Variants in ITFG1 observed in about 807,000 individuals in gnomAD.
The protein encoded by ITFG1 is integrin alpha FG-GAP repeat containing 1, also known as T-cell immunomodulatory protein.
ITFG1 carries 34 observed loss-of-function variants against 81.8 expected under a neutral mutation model. The ratio of observed to expected loss-of-function variants is 0.42; its 90% confidence interval spans 0.32 to 0.55. ITFG1 has a LOEUF of 0.55. Ranked by LOEUF, ITFG1 falls within the 20% of genes least tolerant of loss-of-function variation. ITFG1 has a pLI of 0.17. For missense variants in ITFG1, 672 were observed against 755.4 expected (o/e 0.89, Z 1.29); for synonymous variants, 285 against 270.6 (o/e 1.05, Z -0.52).
chr16:47,389,244 A>C (rs1309864594), intron 6 of ITFG1, among the ~76,000 whole-genome samples: 1 of 152,332 alleles, frequency 6.6e-6, no homozygotes, highest in Admixed American at 6.5e-5. Flanking sequence ...CATAGGAAAA[A>C]ATGGTGCAAT....
chr16:47,198,370 G>T (rs1380098441), intron 14 of ITFG1, among the ~76,000 whole-genome samples: 1 of 152,156 alleles, frequency 6.6e-6, no homozygotes, highest in Non-Finnish European at 1.5e-5. Context: ...TAGCTGTCAT[G>T]ATGTCATAGT....
At chr16:47,309,062 T>TA (rs1419676880) in intron 10 of ITFG1, among the ~76,000 whole-genome samples, 1 of 151,118 alleles carries the variant, frequency 6.6e-6, no homozygotes, top group Admixed American at 6.6e-5. Context: ...ATTATTAACA[T>TA]AACTTCTTTT....
At position 47,170,675 on chromosome 16, in the gene ITFG1, G is replaced by A. The variant is rs190683965; in HGVS notation, c.1454-8011C>T. Reference sequence around the variant, plus strand: ...AAACTCCTGACCTTAGGTGATCTGCGCCTGCCTCAGCCTCCCAAAGTGCTG... The same window carrying A: ...AAACTCCTGACCTTAGGTGATCTGCACCTGCCTCAGCCTCCCAAAGTGCTG... On this transcript the variant is annotated intron_variant, in intron 14 of 17. Transcript: ENST00000320640. 1.7e-3 allele frequency among the ~76,000 whole-genome samples: 254 copies of A among 145,772 alleles called. 2 individuals are homozygous for A. Among genetic ancestry groups the A allele is most frequent in the African/African-American group, 6.0e-3 (236 of 39,224 alleles).
intron 6 of ITFG1, among the ~76,000 whole-genome samples, chr16:47,417,793 G>A (rs1968892597): frequency 6.6e-6 from 1 of 152,060 alleles, no homozygotes; most frequent in African/African-American, 2.4e-5. Context: ...GGACACTCAG[G>A]TTGATTCCAT....
intron 8 of ITFG1, among the ~76,000 whole-genome samples, chr16:47,351,723 T>C (rs1159111198): frequency 6.7e-4 from 2 of 3,000 alleles, no homozygotes; most frequent in African/African-American, 3.1e-3. Flanking sequence ...TTAAAGTTCA[T>C]ACGGAACCAA....
At position 47,460,911 on chromosome 16, in the gene ITFG1, C is replaced by T. The variant is rs11559043; in HGVS notation, c.135G>A (p.Glu45=). Residue 45 remains glutamate, a synonymous_variant, in exon 1 of 18, where the codon GAG becomes GAA. Transcript: ENST00000320640. ...CGAAAGCCGCAAGGGTGCCCCAGGC[C>T]TCGGCCCCAAAGAGCTCGGCCGTGA... ...HNVTAELFGA[E]AWGTLAAFGD... is the part of the protein sequence containing the mutation. The T allele has an allele frequency of 5.0e-6, 8 of 1,613,236 alleles. No individual in the cohort carries two copies. Among genetic ancestry groups the T allele is most frequent in the Admixed American group, 3.3e-5 (2 of 59,978 alleles).
chr16:47,312,471 A>G (rs1967280870), intron 9 of ITFG1, among the ~76,000 whole-genome samples: 1 of 152,188 alleles, frequency 6.6e-6, no homozygotes. Context: ...CCAGGGAAAA[A>G]GGAAACTTGG....
chr16:47,207,070 G>A (rs369276936), intron 14 of ITFG1, among the ~76,000 whole-genome samples: 1 of 152,316 alleles, frequency 6.6e-6, no homozygotes, highest in African/African-American at 2.4e-5. Context: ...ACAAGACAAA[G>A]ATCCTTGCTC....
intron 6 of ITFG1, among the ~76,000 whole-genome samples, chr16:47,410,007 C>T (rs1382032368): frequency 6.6e-6 from 1 of 152,152 alleles, no homozygotes; most frequent in African/African-American, 2.4e-5. Flanking sequence ...GATGCAGTGG[C>T]TCATGCCTAT....
Position 47,188,847 on chromosome 16 carries a change from C to T in ITFG1, c.1454-26183G>A, listed in dbSNP as rs533628848. On this transcript the variant is annotated intron_variant, in intron 14 of 17. Coordinates refer to ENST00000320640, the MANE Select transcript of ITFG1 (RefSeq NM_030790.5). ...TGGCGCTATCTTGGCTCACTGCAAC[C>T]TCCACTTCCTGGGTTTAAGCGATGC... 4.2e-3 allele frequency among the ~76,000 whole-genome samples: 636 copies of T among 152,240 alleles called. 5 individuals are homozygous for T. The highest frequency in any genetic ancestry group is 0.015 in the African/African-American group (607 of 41,556).
intron 6 of ITFG1, among the ~76,000 whole-genome samples, chr16:47,420,704 A>G (rs1968935365): frequency 6.6e-6 from 1 of 152,166 alleles, no homozygotes; most frequent in Admixed American, 6.5e-5. Context: ...ATCTCTGTGC[A>G]TATCAGCTCC....
At chr16:47,208,626 G>A (rs1965529471) in intron 14 of ITFG1, among the ~76,000 whole-genome samples, 1 of 152,154 alleles carries the variant, frequency 6.6e-6, no homozygotes, top group African/African-American at 2.4e-5. Flanking sequence ...GCAACCATAA[G>A]AAGTTTTGGT....
At chr16:47,303,010 G>A (rs1048321678) in intron 10 of ITFG1, among the ~76,000 whole-genome samples, 2 of 152,164 alleles carry the variant, frequency 1.3e-5, no homozygotes, top group African/African-American at 2.4e-5. Flanking sequence ...GGTAGCTCAC[G>A]CCTGTAATCC....
chr16:47,296,699 G>A (rs1966987189), intron 10 of ITFG1, among the ~76,000 whole-genome samples: 1 of 152,202 alleles, frequency 6.6e-6, no homozygotes, highest in Non-Finnish European at 1.5e-5. Flanking sequence ...GTCTCCCAAA[G>A]TGCTGGGATT....
chr16:47,206,168 G>A (rs1480264177), intron 14 of ITFG1, among the ~76,000 whole-genome samples: 1 of 152,062 alleles, frequency 6.6e-6, no homozygotes, highest in Non-Finnish European at 1.5e-5. Flanking sequence ...GCCTGGCCAG[G>A]CATTAAATAT....
At chr16:47,256,784 T>G (rs1403288278) in intron 12 of ITFG1, among the ~76,000 whole-genome samples, 1 of 152,236 alleles carries the variant, frequency 6.6e-6, no homozygotes, top group African/African-American at 2.4e-5. Context: ...AAAATAAATC[T>G]CAACACTAAT....
chr16:47,347,849 C>A (rs905149481), intron 8 of ITFG1, among the ~76,000 whole-genome samples: 1 of 152,192 alleles, frequency 6.6e-6, no homozygotes, highest in African/African-American at 2.4e-5. Flanking sequence ...GACGGAACTT[C>A]CAGAGGAACG....
intron 12 of ITFG1, among the ~76,000 whole-genome samples, chr16:47,239,053 C>T (rs978611153): frequency 2.6e-5 from 4 of 152,100 alleles, no homozygotes; most frequent in Non-Finnish European, 5.9e-5. Flanking sequence ...ACCCCTTCTG[C>T]CATGTGAGGA....
rs554524636 is a variant in ITFG1 at position 47,327,230 on chromosome 16, T to A, written c.803-13407A>T. Among the ~76,000 whole-genome samples, 164 of 152,284 alleles carry A rather than the reference T, an allele frequency of 1.1e-3. 1 individual carries two copies. The highest frequency in any genetic ancestry group is 3.7e-3 in the African/African-American group (155 of 41,536). On this transcript the variant is annotated intron_variant, in intron 8 of 17. Coordinates refer to ENST00000320640, the MANE Select transcript of ITFG1 (RefSeq NM_030790.5). ...ACAAAAACAAGCAAAGGGGAAAGCA[T>A]TCCCTATTTAATAAATGGTGCTGGG...
Sources: allele counts gnomAD v4.1 joint callset (sites outside exome capture counted in the v4.1 genomes callset), GRCh38; gene constraint gnomAD v4.1.1; transcripts MANE v1.5; gene names NCBI Gene and HGNC (gene_info 2026-07-23, HGNC 2026-07-21).